PTPRN: variants seen among roughly 807,000 people sequenced by gnomAD.
The protein encoded by PTPRN is receptor-type tyrosine-protein phosphatase-like N.
A neutral mutation model predicts 108.5 loss-of-function variants in PTPRN; 70 were observed. The observed-to-expected ratio is 0.65, with a 90% CI of 0.53 to 0.79. PTPRN has a LOEUF of 0.79. Among genes scored for constraint, PTPRN ranks in the 30% least tolerant of loss-of-function variants. PTPRN has a pLI of 0.00. For missense variants in PTPRN, 1,136 were observed against 1,295.5 expected (o/e 0.88, Z 1.89); for synonymous variants, 496 against 524.6 (o/e 0.95, Z 0.75).
At position 219,290,209 on chromosome 2, in the gene PTPRN, C is replaced by T; in HGVS notation, c.*17G>A. ...GAGGGACAGAGGCTGGGCTGCCCGC[C>T]AAGGGGCCCCAGGGTCTCACTGGGG... On this transcript the variant is annotated 3_prime_UTR_variant, in exon 23 of 23. Transcript: ENST00000295718. This position sits in a 1 kb window ranked among gnomAD's most constrained non-coding sequence, Gnocchi z 4.2. 2 of 1,612,452 alleles carry T rather than the reference C, an allele frequency of 1.2e-6. No homozygotes were observed. Among genetic ancestry groups the T allele is most frequent in the African/African-American group, 2.7e-5 (2 of 74,992 alleles).
At position 219,297,227 on chromosome 2, in the gene PTPRN, C is replaced by T; in HGVS notation, c.2088+6G>A. 1 of 1,613,442 alleles carries T rather than the reference C, an allele frequency of 6.2e-7. No homozygotes were observed. The highest frequency in any genetic ancestry group is 1.3e-5 in the African/African-American group (1 of 75,074). On this transcript the variant is annotated splice_donor_region_variant and intron_variant, in intron 14 of 22. Coordinates refer to ENST00000295718, the MANE Select transcript of PTPRN (RefSeq NM_002846.4). The surrounding 1 kb of genome is among the most constrained non-coding windows in gnomAD (Gnocchi z 6.0). ...CACCCACTCTGGGCCCAGGCCCTGT[C>T]CTGACCAGAATCATGTGTCCCGTGG...
chr2:219,307,387 C>T (rs879179944), intron 3 of PTPRN, 57 bp downstream of exon 3: 3 of 1,405,092 alleles, frequency 2.1e-6, no homozygotes, highest in Non-Finnish European at 3.0e-6. Context: ...AAATCTTCTT[C>T]CCCACCCATA....
At position 219,297,125 on chromosome 2, in the gene PTPRN, A is replaced by C. The variant is rs948196098; in HGVS notation, c.2096T>G (p.Met699Arg). The change falls in exon 15 of 23, where the codon ATG (methionine) becomes AGG (arginine). Residue 699 changes from methionine to arginine, a missense_variant. Coordinates refer to ENST00000295718, the MANE Select transcript of PTPRN (RefSeq NM_002846.4). This position sits in a 1 kb window ranked among gnomAD's most constrained non-coding sequence, Gnocchi z 6.0. ...GTCCCGGTTCCGCAGGTGATCCTCC[A>C]TGTATGCCTGTGGGGGCACCACGGT... Reference protein sequence around the residue: ...ISTGHMILAYMEDHLRNRDRL... With the variant: ...ISTGHMILAYREDHLRNRDRL... The C allele has an allele frequency of 6.2e-7, 1 of 1,613,954 alleles. No homozygotes were observed. The highest frequency in any genetic ancestry group is 8.5e-7 in the Non-Finnish European group (1 of 1,179,950).
intron 7 of PTPRN, 90 bp downstream of exon 7, chr2:219,301,498 C>T (rs1285488547): frequency 2.1e-5 from 32 of 1,488,810 alleles, no homozygotes; most frequent in Non-Finnish European, 2.7e-5. Flanking sequence ...GACTCTTCCT[C>T]TCCAGGCTAC....
In PTPRN at chr2:219,296,799, T is replaced by C; in HGVS notation, c.2260A>G (p.Lys754Glu). 3.1e-6 allele frequency: 5 copies of C among 1,613,756 alleles called. No homozygotes were observed. Among genetic ancestry groups the C allele is most frequent in the Non-Finnish European group, 4.2e-6 (5 of 1,179,916 alleles). The change falls in exon 16 of 23, where the codon AAG (lysine) becomes GAG (glutamate). Residue 754 changes from lysine (K) to glutamate (E), a missense_variant. Transcript: ENST00000295718. This position sits in a 1 kb window ranked among gnomAD's most constrained non-coding sequence, Gnocchi z 6.0. ...LPYDHARIKL[K>E]VESSPSRSDY... ...CTCCGAGAAGGGCTGCTCTCCACCT[T>C]CAGTTTTATGCGGGCATGGTCATCT...
rs772190462 is a variant in PTPRN, at chr2:219,300,134, G to A, written c.1287C>T (p.Ser429=). The change falls in exon 9 of 23, where the codon TCC becomes TCT. Residue 429 remains serine, a synonymous_variant. Coordinates refer to ENST00000295718, the MANE Select transcript of PTPRN (RefSeq NM_002846.4). The part of the protein sequence containing the change: ...SEVQQVPSPV[S]SEPPKAARPP... ...GTCTGGCAGCTTTGGGAGGCTCAGA[G>A]GAGACAGGGCTTGGCACCTGCTGGA... is the stretch of plus-strand genomic sequence containing the variant. 9 of 1,613,998 alleles carry A rather than the reference G, an allele frequency of 5.6e-6. No individual in the cohort carries two copies. Among genetic ancestry groups the A allele is most frequent in the Admixed American group, 1.7e-5 (1 of 60,008 alleles).
At chr2:219,299,428 G>A (rs1403031619) in intron 10 of PTPRN, 44 bp from the exon 11 acceptor site, 12 of 1,588,380 alleles carry the variant, frequency 7.6e-6, no homozygotes, top group Admixed American at 6.7e-5. Context: ...ACCCCAGACC[G>A]CAGACTTCAA....
intron 19 of PTPRN, among the ~76,000 whole-genome samples, chr2:219,293,410 T>C (rs1440466092): frequency 6.6e-6 from 1 of 152,040 alleles, no homozygotes; most frequent in Admixed American, 6.6e-5. Context: ...GAACTCCTGA[T>C]CTCAAGTGAT....
chr2:219,307,199 G>A (rs972870953), intron 3 of PTPRN: 1 of 427,488 alleles, frequency 2.3e-6, no homozygotes, highest in Non-Finnish European at 4.2e-6. Context: ...GAGAGGAACT[G>A]GTCCTAAGAA....
Position 219,299,316 on chromosome 2 carries a change from G to A in PTPRN, c.1592C>T (p.Thr531Ile). Residue 531 changes from threonine to isoleucine, a missense_variant, in exon 11 of 23, where the codon ACC becomes ATC. Coordinates refer to ENST00000295718, the MANE Select transcript of PTPRN (RefSeq NM_002846.4). ...NEQNLSLADV[T>I]QQAGLVKSEL... ...GCAGAGATATTTACCTGCTTGTTGG[G>A]TCACATCAGCCAAAGACAGGTTCTG... 6.2e-7 allele frequency: 1 copy of A among 1,614,210 alleles called. No individual in the cohort carries two copies. The highest frequency in any genetic ancestry group is 8.5e-7 in the Non-Finnish European group (1 of 1,180,006).
chr2:219,298,522 T>A (rs1574920475), intron 12 of PTPRN, among the ~76,000 whole-genome samples: 1 of 151,996 alleles, frequency 6.6e-6, no homozygotes, highest in African/African-American at 2.4e-5. Flanking sequence ...CTGGCCAACA[T>A]GGTGAAACCC....
intron 19 of PTPRN, 39 bp downstream of exon 19, chr2:219,294,936 G>A: frequency 2.1e-6 from 3 of 1,447,012 alleles, no homozygotes; most frequent in Non-Finnish European, 2.7e-6. Flanking sequence ...CTCCGCCCCC[G>A]CCCATGCGGT....
Position 219,290,393 on chromosome 2 carries a change from G to A in PTPRN, c.2869-96C>T. ...TTTGGTGGGGGGAGGGCCCTGGGCA[G>A]GTCCCCTGGGAGGAAGGGAGCCCTC... is the stretch of plus-strand genomic sequence containing the variant. On this transcript the variant is annotated intron_variant, in intron 22 of 22. Transcript: ENST00000295718. The surrounding 1 kb of genome is among the most constrained non-coding windows in gnomAD (Gnocchi z 4.2). 7.1e-7 allele frequency: 1 copy of A among 1,408,528 alleles called. No individual in the cohort carries two copies. Among genetic ancestry groups the A allele is most frequent in the South Asian group, 1.2e-5 (1 of 82,426 alleles). The allele number at this position is 1,408,528 out of a possible 1,614,324, so 87.3% of individuals were successfully genotyped here. A position where few individuals can be genotyped will look rare whatever the true frequency, so the allele number is the denominator to read the frequency against.
chr2:219,307,393 C>T, intron 3 of PTPRN, 51 bp downstream of exon 3: 1 of 1,474,522 alleles, frequency 6.8e-7, no homozygotes, highest in Non-Finnish European at 9.4e-7. Flanking sequence ...TCTTCCCCAC[C>T]CATAACTAAC....
Position 219,297,149 on chromosome 2 carries a change from GT to G in PTPRN, c.2089-18del. ...CATGTATGCCTGTGGGGGCACCACG[GT>G]CTGGCTCTGGCCCACACAGCCAGCC... On this transcript the variant is annotated intron_variant, in intron 14 of 22. Transcript: ENST00000295718. The surrounding 1 kb of genome is among the most constrained non-coding windows in gnomAD (Gnocchi z 6.0). 6.2e-7 allele frequency: 1 copy of G among 1,613,356 alleles called. No individual in the cohort carries two copies.
intron 8 of PTPRN, 47 bp downstream of exon 8, chr2:219,300,896 G>C (rs199879874): frequency 6.3e-7 from 1 of 1,598,274 alleles, no homozygotes. Context: ...GCAAGGGGGC[G>C]TGCTGCCATG....
chr2:219,309,168 C>A (rs1952562875), intron 1 of PTPRN, 50 bp downstream of exon 1: 1 of 1,460,080 alleles, frequency 6.8e-7, no homozygotes, highest in Non-Finnish European at 9.3e-7. Flanking sequence ...CTCCAGGCCC[C>A]AAGCTGCTCC....
In PTPRN at chr2:219,297,982, G is replaced by A. The variant is rs777855300; in HGVS notation, c.1790C>T (p.Ala597Val). The change falls in exon 13 of 23, where the codon GCT becomes GTT. Residue 597 changes from alanine to valine, a missense_variant. Physicochemically the swap from Ala to Val is moderately conservative, Grantham distance 64 (BLOSUM62 0). Transcript: ENST00000295718. This position sits in a 1 kb window ranked among gnomAD's most constrained non-coding sequence, Gnocchi z 6.0. ...VAGLLVALAV[A>V]LCVRQHARQQ... is the part of the protein sequence containing the mutation. The stretch of plus-strand genomic sequence containing the variant: ...CCGCGCATGCTGCCGCACACACAGA[G>A]CCACAGCCAGAGCCACCAGCAGCCC... The A allele has an allele frequency of 5.0e-6, 8 of 1,613,810 alleles. No individual in the cohort carries two copies. The South Asian group carries it at 5.5e-5, about 11-fold the overall frequency.
rs755297927 is a variant in PTPRN, at chr2:219,296,331, G to A, written c.2403C>T (p.Ser801=). The A allele has an allele frequency of 1.2e-5, 19 of 1,613,902 alleles. No homozygotes were observed. Among genetic ancestry groups the A allele is most frequent in the South Asian group, 2.2e-5 (2 of 91,078 alleles). Residue 801 remains serine, a synonymous_variant, in exon 18 of 23, where the codon AGC becomes AGT. Coordinates refer to ENST00000295718, the MANE Select transcript of PTPRN (RefSeq NM_002846.4). The surrounding 1 kb of genome is among the most constrained non-coding windows in gnomAD (Gnocchi z 6.0). ...IADFWQMVWE[S]GCTVIVMLTP... ...TCAGCATGACGATGACGGTGCAGCC[G>A]CTCTCCCACACCATCTAGGGACAGA...
Sources: allele counts gnomAD v4.1 joint callset (sites outside exome capture counted in the v4.1 genomes callset), GRCh38; gene constraint gnomAD v4.1.1; non-coding constraint Gnocchi (gnomAD v3.1); transcripts MANE v1.5; gene names NCBI Gene and HGNC (gene_info 2026-07-23, HGNC 2026-07-21).